NALF1: variants seen among roughly 807,000 people sequenced by gnomAD.
NALF1 encodes the protein family with sequence similarity 155 member A.
NALF1 carries 3 observed loss-of-function variants against 48.4 expected under a neutral mutation model. The observed-to-expected ratio is 0.06, with a 90% CI of 0.03 to 0.16. The LOEUF (loss-of-function observed/expected upper bound fraction) is 0.16. Among genes scored for constraint, NALF1 ranks in the 10% least tolerant of loss-of-function variants. The pLI, the probability that NALF1 is intolerant of heterozygous loss-of-function variation, is 1.00. For synonymous variants in NALF1, 262 were observed against 245.7 expected (o/e 1.07, Z -0.62); for missense variants, 526 against 571.5 (o/e 0.92, Z 0.81).
intron 1 of NALF1, among the ~76,000 whole-genome samples, chr13:107,645,336 G>A (rs539826019): frequency 7.9e-5 from 12 of 152,136 alleles, no homozygotes; most frequent in African/African-American, 2.6e-4. Context: ...TGTTTTTGAT[G>A]ACCCTGGTAG....
chr13:107,439,615 C>T (rs1373529758), intron 1 of NALF1, among the ~76,000 whole-genome samples: 2 of 152,200 alleles, frequency 1.3e-5, no homozygotes, highest in Admixed American at 6.5e-5. Flanking sequence ...CATATTCTTT[C>T]TCTCATGAAT....
chr13:107,248,266 G>A (rs1880624016), intron 1 of NALF1, among the ~76,000 whole-genome samples: 1 of 152,014 alleles, frequency 6.6e-6, no homozygotes. Flanking sequence ...TTGAAATTTG[G>A]AAGGAAATTT....
rs566304206 is a variant in NALF1, at chr13:107,312,123, G to T, written c.916-101368C>A. 1.9e-3 allele frequency among the ~76,000 whole-genome samples: 282 copies of T among 150,392 alleles called. 3 individuals are homozygous for T. Among genetic ancestry groups the T allele is most frequent in the South Asian group, 0.011 (55 of 4,794 alleles). On this transcript the variant is annotated intron_variant, in intron 1 of 2. Coordinates refer to ENST00000375915, the MANE Select transcript of NALF1 (RefSeq NM_001080396.3). The stretch of plus-strand genomic sequence containing the variant: ...TGCTGCTATAAAGACACATGCACAC[G>T]TATGTTTATTGCGGCACTATTCACA...
At chr13:107,661,228 G>T (rs1338339763) in intron 1 of NALF1, among the ~76,000 whole-genome samples, 1 of 152,108 alleles carries the variant, frequency 6.6e-6, no homozygotes, top group East Asian at 1.9e-4. Flanking sequence ...CCAACTTCCA[G>T]CCACCCCACA....
chr13:107,696,819 C>T (rs565057979), intron 1 of NALF1, among the ~76,000 whole-genome samples: 5 of 152,050 alleles, frequency 3.3e-5, no homozygotes, highest in Admixed American at 3.3e-4. Context: ...TCTAATTGGC[C>T]TGGGTTTTGT....
At chr13:107,222,386 T>G (rs1022550230) in intron 1 of NALF1, among the ~76,000 whole-genome samples, 1 of 152,240 alleles carries the variant, frequency 6.6e-6, no homozygotes, top group African/African-American at 2.4e-5. Flanking sequence ...TTTAGCATAT[T>G]TCCCTTACAT....
chr13:107,669,030 C>T (rs1273554740), intron 1 of NALF1, among the ~76,000 whole-genome samples: 2 of 152,092 alleles, frequency 1.3e-5, no homozygotes, highest in African/African-American at 4.8e-5. Flanking sequence ...TACTTATACA[C>T]TTTTGCAAAA....
chr13:107,554,044 C>CAA (rs1877379209), intron 1 of NALF1, among the ~76,000 whole-genome samples: 1 of 152,214 alleles, frequency 6.6e-6, no homozygotes, highest in Admixed American at 6.5e-5. Flanking sequence ...GAGCCTTAGT[C>CAA]CCACATCTGC....
At chr13:107,695,506 A>G (rs958994713) in intron 1 of NALF1, among the ~76,000 whole-genome samples, 8 of 152,208 alleles carry the variant, frequency 5.3e-5, no homozygotes, top group Non-Finnish European at 8.8e-5. Context: ...TTTTATACCC[A>G]AATGATTTTG....
intron 1 of NALF1, among the ~76,000 whole-genome samples, chr13:107,564,270 T>G (rs1394320318): frequency 6.6e-6 from 1 of 152,208 alleles, no homozygotes; most frequent in Non-Finnish European, 1.5e-5. Context: ...TCTAACTTTA[T>G]TTTTTTGTTT....
At chr13:107,219,402 G>C (rs567676863) in intron 1 of NALF1, among the ~76,000 whole-genome samples, 6 of 152,250 alleles carry the variant, frequency 3.9e-5, no homozygotes, top group Non-Finnish European at 7.3e-5. Context: ...TCAATTTTGG[G>C]CTCCACATCT....
chr13:107,770,433 G>T (rs1384226101), intron 1 of NALF1, among the ~76,000 whole-genome samples: 1 of 152,086 alleles, frequency 6.6e-6, no homozygotes. Context: ...TATTATTTAT[G>T]CATAACAAAT....
chr13:107,250,092 T>G (rs79106221), intron 1 of NALF1, among the ~76,000 whole-genome samples: 1 of 89,102 alleles, frequency 1.1e-5, no homozygotes, highest in Non-Finnish European at 2.5e-5. Flanking sequence ...GCCACTGGTG[T>G]TTTTTTTTTT....
chr13:107,470,661 G>A (rs1484744420), intron 1 of NALF1, among the ~76,000 whole-genome samples: 3 of 152,180 alleles, frequency 2.0e-5, no homozygotes, highest in Non-Finnish European at 4.4e-5. Context: ...GTCCCTTAAT[G>A]GCCAATGCTT....
intron 1 of NALF1, among the ~76,000 whole-genome samples, chr13:107,419,463 T>C (rs769796584): frequency 7.9e-5 from 12 of 152,082 alleles, no homozygotes; most frequent in Non-Finnish European, 1.6e-4. Flanking sequence ...AAGGATGAAG[T>C]TGAATAAAAA....
At chr13:107,333,631 G>A (rs760273800) in intron 1 of NALF1, among the ~76,000 whole-genome samples, 9 of 152,180 alleles carry the variant, frequency 5.9e-5, no homozygotes, top group Admixed American at 2.0e-4. Context: ...TAAAATCAGC[G>A]AACAGTGAGA....
intron 1 of NALF1, among the ~76,000 whole-genome samples, chr13:107,479,428 G>C (rs1200428042): frequency 6.6e-6 from 1 of 151,918 alleles, no homozygotes; most frequent in Non-Finnish European, 1.5e-5. Flanking sequence ...TTTTATTTCT[G>C]TTACATATCT....
At chr13:107,684,286 G>A (rs1881378181) in intron 1 of NALF1, among the ~76,000 whole-genome samples, 1 of 152,242 alleles carries the variant, frequency 6.6e-6, no homozygotes, top group Non-Finnish European at 1.5e-5. Flanking sequence ...GGTCTCAGAA[G>A]AGTTTCTTGA....
In NALF1 at chr13:107,457,009, A is replaced by C. The variant is rs376220970; in HGVS notation, c.916-246254T>G. Among the ~76,000 whole-genome samples, 10 of 152,276 alleles carry C rather than the reference A, an allele frequency of 6.6e-5. No individual in the cohort carries two copies. The South Asian group carries it at 2.1e-3, about 32-fold the overall frequency. ...CTTTAAATGATGACATTCATATGGC[A>C]TCTGTTGATGTGAGAATATAAGGCC... On this transcript the variant is annotated intron_variant, in intron 1 of 2. Coordinates refer to ENST00000375915, the MANE Select transcript of NALF1 (RefSeq NM_001080396.3).
Sources: allele counts gnomAD v4.1 joint callset (sites outside exome capture counted in the v4.1 genomes callset), GRCh38; gene constraint gnomAD v4.1.1; transcripts MANE v1.5; gene names NCBI Gene and HGNC (gene_info 2026-07-23, HGNC 2026-07-21).